VWF: variants seen among roughly 807,000 people sequenced by gnomAD.
VWF encodes von Willebrand factor.
A neutral mutation model predicts 308.6 loss-of-function variants in VWF; 176 were observed. The ratio of observed to expected loss-of-function variants is 0.57; its 90% confidence interval spans 0.50 to 0.65. The LOEUF (loss-of-function observed/expected upper bound fraction) is 0.65. VWF is among the 30% of genes least tolerant of loss of function. The pLI is 0.00. For missense variants in VWF, 3,146 were observed against 3,648.2 expected, an observed-to-expected ratio of 0.86 and a Z score of 3.55; for synonymous variants, 1,385 against 1,443.4, an observed-to-expected ratio of 0.96 and a Z score of 0.92.
chr12:5,951,044 G>C (rs1209681204), intron 50 of VWF, among the ~76,000 whole-genome samples: 1 of 151,686 alleles, frequency 6.6e-6, no homozygotes, highest in Non-Finnish European at 1.5e-5. Context: ...CTGTAAACAA[G>C]CATGGACCTG....
Position 6,018,681 on chromosome 12 carries a change from C to G in VWF, c.4737G>C (p.Gly1579=). The part of the protein sequence containing the change: ...RYQGGNRTNT[G]LALRYLSDHS... ...GGTCAGAGAGGTACCGCAGGGCCAG[C>G]CCAGTGTTGGTCCTGTTGCCGCCCT... The change falls in exon 28 of 52, where the codon GGG becomes GGC. Residue 1579 remains glycine (G), a synonymous_variant. Coordinates refer to ENST00000261405, the MANE Select transcript of VWF (RefSeq NM_000552.5). The G allele has an allele frequency of 6.2e-7, 1 of 1,613,790 alleles. No individual in the cohort carries two copies. Among genetic ancestry groups the G allele is most frequent in the East Asian group, 2.2e-5 (1 of 44,858 alleles).
At chr12:5,983,275 C>T (rs754432493) in intron 40 of VWF, 21 bp from the exon 41 acceptor site, 14 of 1,611,596 alleles carry the variant, frequency 8.7e-6, no homozygotes, top group East Asian at 2.2e-5. Flanking sequence ...GAAAGAGAGA[C>T]GTCCATGCAG....
Position 6,121,653 on chromosome 12 carries a change from G to A in VWF, c.56-315C>T, listed in dbSNP as rs545080194. Among the ~76,000 whole-genome samples the A allele has an allele frequency of 1.1e-4, 17 of 152,286 alleles. No homozygotes were observed. In the East Asian group the frequency reaches 1.9e-3, roughly 17 times the overall value. On this transcript the variant is annotated intron_variant, in intron 2 of 51. Transcript: ENST00000261405. The stretch of plus-strand genomic sequence containing the variant: ...ACAGAAGAAAACAAAGAAGCTGGCC[G>A]GGCACAGTGGCTCACGCCTATAATC...
At chr12:6,090,200 A>C (rs1394170732) in intron 6 of VWF, among the ~76,000 whole-genome samples, 3 of 151,842 alleles carry the variant, frequency 2.0e-5, no homozygotes, top group Admixed American at 6.6e-5. Context: ...CTCGTGATCC[A>C]CCCACCTCAG....
At chr12:6,059,170 A>G (rs559035250) in intron 13 of VWF, among the ~76,000 whole-genome samples, 70 of 152,320 alleles carry the variant, frequency 4.6e-4, no homozygotes, top group African/African-American at 1.7e-3. Context: ...TTTGCTTGAC[A>G]AATACCAAAT....
intron 2 of VWF, among the ~76,000 whole-genome samples, chr12:6,122,219 T>C (rs558594751): frequency 1.3e-5 from 2 of 152,358 alleles, no homozygotes; most frequent in Admixed American, 6.5e-5. Flanking sequence ...TGAATGTCTA[T>C]AGTATAGCCC....
At chr12:6,103,543 TATACACACACACACACACAC>T (rs1225834824) in intron 5 of VWF, among the ~76,000 whole-genome samples, 113 of 82,800 alleles carry the variant, frequency 1.4e-3, no homozygotes, top group Middle Eastern at 6.5e-3. Flanking sequence ...CACATATATG[TATACACACACACACACACAC>T]ACACACACAC....
At position 5,994,415 on chromosome 12, in the gene VWF, C is replaced by G. The variant is rs1285854958; in HGVS notation, c.6256G>C (p.Gly2086Arg). 1 of 1,613,946 alleles carries G rather than the reference C, an allele frequency of 6.2e-7. No individual in the cohort carries two copies. The highest frequency in any genetic ancestry group is 8.5e-7 in the Non-Finnish European group (1 of 1,179,998). ...TFASKTYGLC[G>R]ICDENGANDF... is the part of the protein sequence containing the mutation. ...AGAGGAGTTGAGAAAATGTTCTTAC[C>G]ACACAGACCATACGTCTTTGAAGCA... The change falls in exon 36 of 52, where the codon GGG becomes CGG. Residue 2086 changes from glycine (G) to arginine (R), a missense_variant and splice_region_variant. Gly to Arg is a moderately radical substitution (Grantham distance 125). Transcript: ENST00000261405.
intron 42 of VWF, among the ~76,000 whole-genome samples, chr12:5,977,534 T>C (rs1209272079): frequency 1.3e-5 from 2 of 152,208 alleles, no homozygotes; most frequent in African/African-American, 4.8e-5. Flanking sequence ...GAAATATACA[T>C]GTATAAAATT....
intron 14 of VWF, among the ~76,000 whole-genome samples, chr12:6,057,608 CT>C (rs61458766): frequency 0.083 from 11,158 of 134,474 alleles, 1,165 homozygotes; most frequent in African/African-American, 0.25. Context: ...CCTCGGTAGA[CT>C]TTTTTTTTTT....
rs1478115161 is a variant in VWF at position 6,092,643 on chromosome 12, G to A, written c.657+2817C>T. On this transcript the variant is annotated intron_variant, in intron 6 of 51. Coordinates refer to ENST00000261405, the MANE Select transcript of VWF (RefSeq NM_000552.5). ...AGTGTGTGTGTGTGTGTGTGTGTGT[G>A]TGTGTGTGTGTGTGTGTGTGTGTGT... 1.4e-5 allele frequency among the ~76,000 whole-genome samples: 2 copies of A among 148,004 alleles called. 1 individual carries two copies. Among genetic ancestry groups the A allele is most frequent in the African/African-American group, 5.1e-5 (2 of 39,196 alleles).
Position 6,018,357 on chromosome 12 carries a change from C to A in VWF, c.5053+8G>T, listed in dbSNP as rs925135379. The A allele has an allele frequency of 6.2e-7, 1 of 1,607,648 alleles. No homozygotes were observed. The highest frequency in any genetic ancestry group is 1.1e-5 in the South Asian group (1 of 90,222). On this transcript the variant is annotated splice_region_variant and intron_variant, in intron 28 of 51. Coordinates refer to ENST00000261405, the MANE Select transcript of VWF (RefSeq NM_000552.5). Reference sequence around the variant, plus strand: ...GCCCTCCCACCTGCACACAAGGTGCCAGCATACCAGGTGCAGGGGAGAGGG... The same window carrying A: ...GCCCTCCCACCTGCACACAAGGTGCAAGCATACCAGGTGCAGGGGAGAGGG...
chr12:6,085,744 A>AG (rs1944961691), intron 6 of VWF, among the ~76,000 whole-genome samples: 1 of 151,708 alleles, frequency 6.6e-6, no homozygotes, highest in Non-Finnish European at 1.5e-5. Flanking sequence ...GGCGGGGGCA[A>AG]GGAGAGAGCG....
At chr12:6,096,107 A>G (rs868425847) in intron 5 of VWF, 15 of 156,080 alleles carry the variant, frequency 9.6e-5, no homozygotes, top group Middle Eastern at 6.4e-3. Context: ...ATGGATGGAT[A>G]GATGGATGGA....
At chr12:5,993,643 G>GTA (rs1192815860) in intron 37 of VWF, among the ~76,000 whole-genome samples, 1 of 143,566 alleles carries the variant, frequency 7.0e-6, no homozygotes, top group Non-Finnish European at 1.5e-5. Flanking sequence ...ATGTGTGTGT[G>GTA]TGTGTGTATA....
Position 6,108,825 on chromosome 12 carries a change from C to CA in VWF, c.532+1548dup, listed in dbSNP as rs1482016370. On this transcript the variant is annotated intron_variant, in intron 5 of 51. Coordinates refer to ENST00000261405, the MANE Select transcript of VWF (RefSeq NM_000552.5). ...TGAAACCCTGTCTCTACTAAAAATA[C>CA]AAAAAATTAGCCAGGCATGGTGGCG... Among the ~76,000 whole-genome samples, 5 of 151,638 alleles carry CA rather than the reference C, an allele frequency of 3.3e-5. No homozygotes were observed. The East Asian group carries it at 9.7e-4, about 29-fold the overall frequency.
At chr12:6,116,095 A>T (rs556848996) in intron 3 of VWF, among the ~76,000 whole-genome samples, 132 of 152,276 alleles carry the variant, frequency 8.7e-4, no homozygotes, top group Non-Finnish European at 1.5e-3. Context: ...ATGTGCAGCC[A>T]TTAGGAAAAC....
Position 6,095,512 on chromosome 12 carries a change from C to G in VWF, c.605G>C (p.Arg202Pro), listed in dbSNP as rs369737556. ...GCATGAGCTGCTGGGAGGAGATGCCCGTTCACACCACTGTTCTCCACTGCT... is the reference window on the plus strand; with the variant it reads ...GCATGAGCTGCTGGGAGGAGATGCCGGTTCACACCACTGTTCTCCACTGCT... ...ALSSGEQWCE[R>P]ASPPSSSCNI... The change falls in exon 6 of 52, where the codon CGG becomes CCG. Residue 202 changes from arginine (R) to proline (P), a missense_variant. This residue lies in a region of VWF where 1,304 missense variants were observed against 1,353.0 expected (regional missense o/e 0.96). Coordinates refer to ENST00000261405, the MANE Select transcript of VWF (RefSeq NM_000552.5). The G allele has an allele frequency of 5.6e-6, 9 of 1,613,952 alleles. No individual in the cohort carries two copies. Among genetic ancestry groups the G allele is most frequent in the South Asian group, 1.1e-5 (1 of 91,086 alleles).
rs192171281 is a variant in VWF at position 6,101,588 on chromosome 12, G to A, written c.533-6004C>T. Among the ~76,000 whole-genome samples, 329 of 151,830 alleles carry A rather than the reference G, an allele frequency of 2.2e-3. 4 individuals are homozygous for A. The East Asian group carries it at 0.047, about 22-fold the overall frequency. ...TCAGGAGATTGAGACCAGCCTGGCC[G>A]ATATGGTGAAACCCCGTCTCTATTA... On this transcript the variant is annotated intron_variant, in intron 5 of 51. Coordinates refer to ENST00000261405, the MANE Select transcript of VWF (RefSeq NM_000552.5).
Sources: allele counts gnomAD v4.1 joint callset (sites outside exome capture counted in the v4.1 genomes callset), GRCh38; gene constraint gnomAD v4.1.1; regional missense constraint gnomAD v4.1.1; transcripts MANE v1.5; gene names NCBI Gene and HGNC (gene_info 2026-07-23, HGNC 2026-07-21).